ERO1B: variants seen among roughly 807,000 people sequenced by gnomAD.
The protein encoded by ERO1B is endoplasmic reticulum oxidoreductase 1 beta.
ERO1B carries 49 observed loss-of-function variants against 75.3 expected under a neutral mutation model. The observed-to-expected ratio is 0.65, with a 90% CI of 0.52 to 0.83. The LOEUF (loss-of-function observed/expected upper bound fraction) is 0.83. Ranked by LOEUF, ERO1B falls within the 40% of genes least tolerant of loss-of-function variation. The probability of loss-of-function intolerance (pLI) is 0.00; values close to 1 mark genes in which losing one functional copy is unlikely to be tolerated. For synonymous variants in ERO1B, 191 were observed against 192.9 expected, an observed-to-expected ratio of 0.99 and a Z score of 0.08; for missense variants, 512 against 560.1, an observed-to-expected ratio of 0.91 and a Z score of 0.87.
intron 6 of ERO1B, among the ~76,000 whole-genome samples, chr1:236,241,238 A>T (rs1006959793): frequency 1.3e-5 from 2 of 152,122 alleles, no homozygotes; most frequent in Non-Finnish European, 2.9e-5. Flanking sequence ...AGCTACCCTG[A>T]CAGTAATTTT....
intron 5 of ERO1B, among the ~76,000 whole-genome samples, chr1:236,247,474 C>T (rs1023917336): frequency 2.6e-5 from 4 of 152,094 alleles, no homozygotes; most frequent in African/African-American, 4.8e-5. Flanking sequence ...AGAACCTGAC[C>T]GCTTCTCATC....
rs370846635 is a variant in ERO1B at position 236,218,498 on chromosome 1, G to T, written c.*18C>A. ...CACAGTCACTTTATGTCTCTAGTTA[G>T]ACACATAAAAGCCTTTATTACCTAC... is the stretch of plus-strand genomic sequence containing the variant. On this transcript the variant is annotated 3_prime_UTR_variant, in exon 16 of 16. Transcript: ENST00000354619. 2.1e-6 allele frequency: 3 copies of T among 1,431,726 alleles called. No homozygotes were observed. The highest frequency in any genetic ancestry group is 3.0e-5 in the African/African-American group (2 of 67,646). The allele number at this position is 1,431,726 out of a possible 1,614,324, so 88.7% of individuals were successfully genotyped here.
At chr1:236,275,846 T>C (rs763858345) in intron 1 of ERO1B, among the ~76,000 whole-genome samples, 1 of 152,198 alleles carries the variant, frequency 6.6e-6, no homozygotes, top group Non-Finnish European at 1.5e-5. Flanking sequence ...AAATATATTT[T>C]TGGATGACAC....
chr1:236,219,425 A>G (rs546562385), intron 15 of ERO1B, among the ~76,000 whole-genome samples: 1 of 152,338 alleles, frequency 6.6e-6, no homozygotes, highest in Admixed American at 6.5e-5. Context: ...GCATTTGTGA[A>G]TATTTTTTAT....
chr1:236,224,175 A>G (rs1385508421), intron 13 of ERO1B, among the ~76,000 whole-genome samples: 1 of 152,224 alleles, frequency 6.6e-6, no homozygotes, highest in Non-Finnish European at 1.5e-5. Flanking sequence ...CAACCCCACA[A>G]AACTACGAAT....
chr1:236,239,934 T>C (rs559927755), intron 6 of ERO1B, among the ~76,000 whole-genome samples: 6 of 144,538 alleles, frequency 4.2e-5, no homozygotes, highest in Middle Eastern at 3.5e-3. Flanking sequence ...GCGATGAGGC[T>C]GACTCTGTTG....
At chr1:236,220,612 A>G in intron 15 of ERO1B, 1 of 334,630 alleles carries the variant, frequency 3.0e-6, no homozygotes, top group Non-Finnish European at 5.3e-6. Flanking sequence ...AAATTAAGGC[A>G]GCAAACTGAA....
intron 15 of ERO1B, chr1:236,220,565 C>T: frequency 4.3e-6 from 1 of 233,384 alleles, no homozygotes; most frequent in Non-Finnish European, 8.1e-6. Flanking sequence ...AAGTTATAGC[C>T]AAGCAAAAAG....
chr1:236,246,662 T>C (rs1379037989), intron 5 of ERO1B, among the ~76,000 whole-genome samples: 1 of 152,232 alleles, frequency 6.6e-6, no homozygotes, highest in African/African-American at 2.4e-5. Flanking sequence ...GAATATGTTC[T>C]ATATCATTCT....
chr1:236,221,919 T>A lies in ERO1B; in HGVS notation c.1209+5A>T. On this transcript the variant is annotated splice_donor_5th_base_variant and intron_variant, in intron 14 of 15. Transcript: ENST00000354619. ...TGGCTTCAAAAGAGAAGACAACACA[T>A]ATACCTGTAATTTTCCCCATAATCT... 6.2e-7 allele frequency: 1 copy of A among 1,607,710 alleles called. No homozygotes were observed. The highest frequency in any genetic ancestry group is 1.1e-5 in the South Asian group (1 of 90,946).
intron 2 of ERO1B, among the ~76,000 whole-genome samples, chr1:236,267,236 C>A (rs1283666363): frequency 1.3e-5 from 2 of 152,162 alleles, no homozygotes; most frequent in East Asian, 1.9e-4. Flanking sequence ...TTAGTTTTAT[C>A]TTTTCTGAAG....
chr1:236,267,600 C>A (rs1290739173), intron 2 of ERO1B, among the ~76,000 whole-genome samples: 1 of 152,154 alleles, frequency 6.6e-6, no homozygotes, highest in Non-Finnish European at 1.5e-5. Context: ...AGAAACACTT[C>A]CCCCACTGTA....
rs1485897747 is a variant in ERO1B, at chr1:236,225,099, C to T, written c.1093G>A (p.Gly365Ser). 1 of 1,613,822 alleles carries T rather than the reference C, an allele frequency of 6.2e-7. No individual in the cohort carries two copies. Among genetic ancestry groups the T allele is most frequent in the South Asian group, 1.1e-5 (1 of 91,082 alleles). ...AGTGACTTGGCCCCTTTTTTGTCAC[C>T]TGCAAACATGGATTTCTCATCAAAG... ...MHFDEKSMFA[G>S]DKKGAKSLKE... The change falls in exon 13 of 16, where the codon GGT becomes AGT. Residue 365 changes from glycine to serine, a missense_variant. Transcript: ENST00000354619.
At chr1:236,251,201 ATTAT>A (rs1279855122) in intron 4 of ERO1B, among the ~76,000 whole-genome samples, 3 of 150,114 alleles carry the variant, frequency 2.0e-5, no homozygotes, top group East Asian at 2.1e-4. Context: ...TATTATTAAT[ATTAT>A]TTAAATTAAA....
At chr1:236,249,240 A>G (rs1177010531) in intron 5 of ERO1B, among the ~76,000 whole-genome samples, 1 of 152,036 alleles carries the variant, frequency 6.6e-6, no homozygotes, top group East Asian at 1.9e-4. Context: ...TGGCCAGGCT[A>G]GTCCTAAACT....
chr1:236,226,963 AAGC>A (rs1268995724), intron 10 of ERO1B, among the ~76,000 whole-genome samples: 1 of 152,176 alleles, frequency 6.6e-6, no homozygotes, highest in Admixed American at 6.5e-5. Flanking sequence ...ATGCTGAAAA[AAGC>A]AGAAAAGTTT....
chr1:236,243,429 T>G lies in ERO1B; in HGVS notation c.498A>C (p.Glu166Asp), dbSNP rs1171913238. ...RYDDSRDHFC[E>D]LDDERSPAAQ... ...AATAGTTTATTGTATTACCATCAAG[T>G]TCACAAAAGTGATCCCGTGAATCAT... The change falls in exon 6 of 16, where the codon GAA becomes GAC. Residue 166 changes from glutamate to aspartate, a missense_variant. Physicochemically the swap from Glu to Asp is conservative, Grantham distance 45. Transcript: ENST00000354619. 2 of 1,596,610 alleles carry G rather than the reference T, an allele frequency of 1.3e-6. No homozygotes were observed. Among genetic ancestry groups the G allele is most frequent in the Non-Finnish European group, 1.7e-6 (2 of 1,169,388 alleles).
chr1:236,235,968 A>G (rs930807451), intron 7 of ERO1B, 133 bp from the exon 8 acceptor site: 1 of 785,446 alleles, frequency 1.3e-6, no homozygotes, highest in African/African-American at 1.8e-5. Flanking sequence ...TTAGTCACCC[A>G]GGCTGGAGTA....
chr1:236,251,772 A>G (rs1665035688), intron 4 of ERO1B, among the ~76,000 whole-genome samples: 1 of 152,206 alleles, frequency 6.6e-6, no homozygotes, highest in African/African-American at 2.4e-5. Context: ...AAAAATAGCT[A>G]TGTGATAAAA....
Sources: allele counts gnomAD v4.1 joint callset (sites outside exome capture counted in the v4.1 genomes callset), GRCh38; gene constraint gnomAD v4.1.1; transcripts MANE v1.5; gene names NCBI Gene and HGNC (gene_info 2026-07-23, HGNC 2026-07-21).